ZNF438: variants seen among roughly 807,000 people sequenced by gnomAD.
ZNF438 encodes zinc finger protein 438.
Under a neutral mutation model 38.0 loss-of-function variants are expected in ZNF438, and 25 were observed. The ratio of observed to expected loss-of-function variants is 0.66; its 90% CI spans 0.48 to 0.92. The LOEUF (loss-of-function observed/expected upper bound fraction) is 0.92, where lower values mean the gene tolerates loss of function less well. Ranked by LOEUF, ZNF438 falls within the 40% of genes least tolerant of loss-of-function variation. ZNF438 has a pLI of 0.00. For synonymous variants in ZNF438, 372 were observed against 364.1 expected (o/e 1.02, Z -0.25); for missense variants, 1,007 against 999.6 (o/e 1.01, Z -0.10).
intron 2 of ZNF438, among the ~76,000 whole-genome samples, chr10:30,930,637 A>G (rs1005898568): frequency 2.7e-5 from 4 of 149,242 alleles, no homozygotes; most frequent in African/African-American, 2.4e-5. Flanking sequence ...ATCTCTACTA[A>G]AATACACACA....
At chr10:30,873,320 AAT>A (rs1389904098) in intron 4 of ZNF438, among the ~76,000 whole-genome samples, 29 of 152,026 alleles carry the variant, frequency 1.9e-4, no homozygotes, top group African/African-American at 5.8e-4. Context: ...ATAATAGAAA[AAT>A]CTGTAATATA....
In ZNF438 at chr10:30,995,043, G is replaced by GAA. The variant is rs35673009; in HGVS notation, c.-192+36788_-192+36789dup. Among the ~76,000 whole-genome samples, 318 of 145,420 alleles carry GAA rather than the reference G, an allele frequency of 2.2e-3. 1 individual carries two copies. The highest frequency in any genetic ancestry group is 7.0e-3 in the African/African-American group (276 of 39,440). ...GAGTGAGACCCTATCTCAGAGAGAGGAAAAAAAAAAATGAATGAAAAAGAA... is the reference window on the plus strand; with the variant it reads ...GAGTGAGACCCTATCTCAGAGAGAGGAAAAAAAAAAAAATGAATGAAAAAGAA... On this transcript the variant is annotated intron_variant, in intron 1 of 5. Transcript: ENST00000413025.
At chr10:30,883,700 C>T (rs2039572248) in intron 3 of ZNF438, among the ~76,000 whole-genome samples, 1 of 152,018 alleles carries the variant, frequency 6.6e-6, no homozygotes, top group Non-Finnish European at 1.5e-5. Context: ...TGAAACCCAT[C>T]TCTACAAAAA....
intron 1 of ZNF438, among the ~76,000 whole-genome samples, chr10:31,027,252 A>G (rs567268706): frequency 6.6e-6 from 1 of 152,258 alleles, no homozygotes; most frequent in South Asian, 2.1e-4. Flanking sequence ...TTAAAAAATA[A>G]ATTTAATTAA....
At chr10:30,985,107 C>T (rs889420869) in intron 1 of ZNF438, among the ~76,000 whole-genome samples, 1 of 152,118 alleles carries the variant, frequency 6.6e-6, no homozygotes, top group East Asian at 1.9e-4. Context: ...AGCAGTAACC[C>T]ATTTCTAAAT....
rs551739414 is a variant in ZNF438, at chr10:30,941,854, T to C, written c.-191-203A>G. Among the ~76,000 whole-genome samples the C allele has an allele frequency of 7.2e-5, 11 of 152,296 alleles. 1 individual carries two copies. Among genetic ancestry groups the C allele is most frequent in the African/African-American group, 2.6e-4 (11 of 41,574 alleles). On this transcript the variant is annotated intron_variant, in intron 1 of 5. Coordinates refer to ENST00000413025, the Ensembl canonical transcript of ZNF438. ...TCAAAGACTTCTAAAATAGGAGATATATTGTCTTCACATATTTTTATGTCA... is the reference window on the plus strand; with the variant it reads ...TCAAAGACTTCTAAAATAGGAGATACATTGTCTTCACATATTTTTATGTCA...
chr10:30,937,085 A>G (rs1486141882), intron 2 of ZNF438, among the ~76,000 whole-genome samples: 1 of 151,604 alleles, frequency 6.6e-6, no homozygotes, highest in East Asian at 1.9e-4. Context: ...AGAAATTCTG[A>G]CTCCTTTACA....
At chr10:30,951,784 T>C (rs1387316194) in intron 1 of ZNF438, among the ~76,000 whole-genome samples, 2 of 149,298 alleles carry the variant, frequency 1.3e-5, no homozygotes, top group African/African-American at 2.4e-5. Flanking sequence ...TCCATGCTCA[T>C]GTGTAGGAAG....
At chr10:30,989,482 C>T (rs1208020096) in intron 1 of ZNF438, among the ~76,000 whole-genome samples, 2 of 152,156 alleles carry the variant, frequency 1.3e-5, no homozygotes, top group African/African-American at 4.8e-5. Context: ...AACCCAATAA[C>T]CCTGACCCTT....
At chr10:30,922,210 G>A (rs910676524) in intron 2 of ZNF438, among the ~76,000 whole-genome samples, 3 of 152,062 alleles carry the variant, frequency 2.0e-5, no homozygotes, top group Non-Finnish European at 4.4e-5. Flanking sequence ...TTCAGTGAGC[G>A]CAAAGCAAAG....
intron 1 of ZNF438, among the ~76,000 whole-genome samples, chr10:31,008,909 C>T (rs939141495): frequency 2.0e-5 from 3 of 152,180 alleles, no homozygotes; most frequent in Non-Finnish European, 4.4e-5. Flanking sequence ...CCAATTACTC[C>T]ACATCCTCAC....
At chr10:30,849,384 T>C in exon 5 of ZNF438, 1 of 1,614,264 alleles carries the variant, frequency 6.2e-7, no homozygotes, top group African/African-American at 1.3e-5. Flanking sequence ...CTTGCCACCT[T>C]GGTGGCTGCA....
At chr10:30,893,903 G>A (rs1380628066) in intron 3 of ZNF438, among the ~76,000 whole-genome samples, 1 of 152,160 alleles carries the variant, frequency 6.6e-6, no homozygotes, top group Non-Finnish European at 1.5e-5. Context: ...ACTAATTATG[G>A]TAGTTATTAT....
chr10:31,031,346 G>A (rs1214468374), intron 1 of ZNF438, among the ~76,000 whole-genome samples: 2 of 152,170 alleles, frequency 1.3e-5, no homozygotes, highest in Non-Finnish European at 2.9e-5. Context: ...AAAGAAAACT[G>A]AGGCAGCAAC....
exon 5 of ZNF438, chr10:30,849,222 C>T: frequency 6.2e-7 from 1 of 1,614,066 alleles, no homozygotes; most frequent in East Asian, 2.2e-5. Context: ...CCCTGAAATG[C>T]CAAAATTTCA....
exon 5 of ZNF438, chr10:30,848,992 A>G (rs1447887321): frequency 1.2e-6 from 2 of 1,614,182 alleles, no homozygotes; most frequent in South Asian, 2.2e-5. Flanking sequence ...TGAGTGAATT[A>G]TTTAACAAAA....
At chr10:30,949,007 C>T (rs1004920200) in intron 1 of ZNF438, among the ~76,000 whole-genome samples, 3 of 152,088 alleles carry the variant, frequency 2.0e-5, no homozygotes, top group Admixed American at 6.5e-5. Context: ...AGAGAAAGGT[C>T]GGGTTACCCT....
chr10:30,932,174 TAA>T (rs1028951950), intron 2 of ZNF438, among the ~76,000 whole-genome samples: 9 of 152,328 alleles, frequency 5.9e-5, no homozygotes, highest in Non-Finnish European at 8.8e-5. Flanking sequence ...GCAGGTAATC[TAA>T]AAGAGTGAGC....
chr10:30,978,898 A>C (rs557607259), intron 1 of ZNF438, among the ~76,000 whole-genome samples: 1 of 152,364 alleles, frequency 6.6e-6, no homozygotes, highest in African/African-American at 2.4e-5. Flanking sequence ...CTTTGAAGCC[A>C]AGCATTGACT....
Sources: allele counts gnomAD v4.1 joint callset (sites outside exome capture counted in the v4.1 genomes callset), GRCh38; gene constraint gnomAD v4.1.1; transcripts MANE v1.5; gene names NCBI Gene and HGNC (gene_info 2026-07-23, HGNC 2026-07-21).